The following ZBTB7C variants were observed in gnomAD, a reference collection of about 807,000 sequenced individuals.
The protein encoded by ZBTB7C is zinc finger and BTB domain-containing protein 7C.
In ZBTB7C, 8 loss-of-function variants were observed where a neutral mutation model predicts 25.7. The ratio of observed to expected loss-of-function variants is 0.31; its 90% CI spans 0.18 to 0.56. The LOEUF (loss-of-function observed/expected upper bound fraction) is 0.56, where lower values mean the gene tolerates loss of function less well. ZBTB7C is among the 20% of genes least tolerant of loss of function. The pLI, the probability that ZBTB7C is intolerant of heterozygous loss-of-function variation, is 0.91. For synonymous variants in ZBTB7C, 394 were observed against 369.0 expected (o/e 1.07, Z -0.78); for missense variants, 824 against 855.2 (o/e 0.96, Z 0.46).
At chr18:48,372,098 C>T (rs2047402578) in intron 1 of ZBTB7C, among the ~76,000 whole-genome samples, 2 of 152,204 alleles carry the variant, frequency 1.3e-5, no homozygotes, top group South Asian at 4.1e-4. Flanking sequence ...TGCTCTCCTC[C>T]CTCACTGCCA....
chr18:48,150,862 A>G (rs1198618059), intron 3 of ZBTB7C: 1 of 152,158 alleles, frequency 6.6e-6, no homozygotes, highest in Non-Finnish European at 1.5e-5. Flanking sequence ...TGTGCCATCT[A>G]AGGACATGCT....
intron 3 of ZBTB7C, among the ~76,000 whole-genome samples, chr18:48,108,163 G>A (rs1470533318): frequency 6.6e-6 from 1 of 152,156 alleles, no homozygotes; most frequent in African/African-American, 2.4e-5. Context: ...CTATTTTACA[G>A]GGAGGAAACT....
chr18:48,200,864 C>A (rs1229755174), intron 2 of ZBTB7C, among the ~76,000 whole-genome samples: 1 of 152,238 alleles, frequency 6.6e-6, no homozygotes. Context: ...AGGTCCCCAC[C>A]TGCCTCTTGA....
chr18:48,389,232 C>CG (rs2047831207), intron 1 of ZBTB7C, among the ~76,000 whole-genome samples: 886 of 61,682 alleles, frequency 0.014, no homozygotes, highest in Non-Finnish European at 0.02. Flanking sequence ...CTCTCTCTCT[C>CG]TCTCGTGTGT....
rs66745544 is a variant in ZBTB7C at position 48,095,747 on chromosome 18, A to G, written c.-16-54624T>C. On this transcript the variant is annotated intron_variant, in intron 3 of 4. Transcript: ENST00000590800. The stretch of plus-strand genomic sequence containing the variant: ...TAAAATAAAATAAAATAAAATAAAA[A>G]TGGTTATTGGGTGAGAGAATGGATG... 2.7e-4 allele frequency among the ~76,000 whole-genome samples: 24 copies of G among 89,912 alleles called. 1 individual carries two copies. The highest frequency in any genetic ancestry group is 1.1e-3 in the South Asian group (4 of 3,628). The allele number at this position is 89,912 out of a possible 152,430, so 59.0% of individuals were successfully genotyped here. A position where few individuals can be genotyped will look rare whatever the true frequency, so the allele number is the denominator to read the frequency against.
chr18:48,158,438 T>C (rs1345783095), intron 3 of ZBTB7C, among the ~76,000 whole-genome samples: 4 of 151,890 alleles, frequency 2.6e-5, no homozygotes, highest in Non-Finnish European at 2.9e-5. Context: ...CCTGCCTCTA[T>C]GGGGCTGTGT....
chr18:48,406,636 G>T (rs117209645), intron 1 of ZBTB7C, among the ~76,000 whole-genome samples: 3 of 152,306 alleles, frequency 2.0e-5, no homozygotes, highest in African/African-American at 4.8e-5. Context: ...GAGTAAGGGG[G>T]CACTGATTTC....
intron 3 of ZBTB7C, among the ~76,000 whole-genome samples, chr18:48,169,302 T>C (rs1009787613): frequency 1.3e-5 from 2 of 152,126 alleles, no homozygotes; most frequent in African/African-American, 4.8e-5. Flanking sequence ...TACCACTCGA[T>C]TGGACATATT....
chr18:48,055,080 A>G (rs750651352), intron 3 of ZBTB7C, among the ~76,000 whole-genome samples: 20 of 152,238 alleles, frequency 1.3e-4, no homozygotes, highest in South Asian at 4.2e-4. Context: ...AACCCACAGC[A>G]AAATATCTCA....
chr18:48,387,706 G>A (rs1018729385), intron 1 of ZBTB7C, among the ~76,000 whole-genome samples: 3 of 152,246 alleles, frequency 2.0e-5, no homozygotes, highest in Admixed American at 6.5e-5. Flanking sequence ...GCAAGGGCTA[G>A]CTTTATCAGA....
chr18:48,042,262 C>T (rs2036280888), intron 3 of ZBTB7C, among the ~76,000 whole-genome samples: 1 of 151,728 alleles, frequency 6.6e-6, no homozygotes, highest in Non-Finnish European at 1.5e-5. Flanking sequence ...CTTCAGGCTG[C>T]TAAAAGCCTA....
chr18:48,043,172 G>C (rs1423981596), intron 3 of ZBTB7C, among the ~76,000 whole-genome samples: 1 of 152,176 alleles, frequency 6.6e-6, no homozygotes, highest in South Asian at 2.1e-4. Context: ...TCTAGAAAAT[G>C]ATTTGGCAGA....
intron 2 of ZBTB7C, among the ~76,000 whole-genome samples, chr18:48,217,468 G>T (rs1336567940): frequency 6.6e-6 from 1 of 152,122 alleles, no homozygotes; most frequent in African/African-American, 2.4e-5. Flanking sequence ...GCCACCACCT[G>T]ACCACTGAGG....
chr18:48,256,455 CTT>C (rs2044023259), intron 2 of ZBTB7C, among the ~76,000 whole-genome samples: 1 of 131,736 alleles, frequency 7.6e-6, no homozygotes, highest in Admixed American at 8.2e-5. Context: ...AAAATAAAGA[CTT>C]TTTCATACAT....
At chr18:48,079,978 CAT>C (rs2037919716) in intron 3 of ZBTB7C, among the ~76,000 whole-genome samples, 1 of 152,378 alleles carries the variant, frequency 6.6e-6, no homozygotes, top group Admixed American at 6.5e-5. Context: ...GACAGCAGCA[CAT>C]GAGTCTGTGC....
intron 2 of ZBTB7C, among the ~76,000 whole-genome samples, chr18:48,219,934 A>G (rs571037847): frequency 6.6e-6 from 1 of 152,232 alleles, no homozygotes; most frequent in East Asian, 1.9e-4. Flanking sequence ...GATAAAGAGG[A>G]GGCCCCCATG....
rs1046274592 is a variant in ZBTB7C at position 48,027,453 on chromosome 18, C to T, written c.*1807G>A. 6.6e-6 allele frequency: 1 copy of T among 151,394 alleles called. No homozygotes were observed. The highest frequency in any genetic ancestry group is 2.4e-5 in the African/African-American group (1 of 41,112). 9.4% of individuals were successfully genotyped at this position (151,394 alleles called of 1,614,324 possible). On this transcript the variant is annotated 3_prime_UTR_variant, in exon 5 of 5. Transcript: ENST00000590800. Reference sequence around the variant, plus strand: ...ACACGGGGGCACGTTGGCTGGTGGACATGGGCATGCTTCAGAGAAAAGTGT... The same window carrying T: ...ACACGGGGGCACGTTGGCTGGTGGATATGGGCATGCTTCAGAGAAAAGTGT...
chr18:48,333,664 T>G (rs894922595), intron 2 of ZBTB7C, among the ~76,000 whole-genome samples: 1 of 152,226 alleles, frequency 6.6e-6, no homozygotes, highest in African/African-American at 2.4e-5. Flanking sequence ...TGACACTGGT[T>G]TGAAGGACTC....
chr18:48,280,885 G>C (rs1186846827), intron 2 of ZBTB7C, among the ~76,000 whole-genome samples: 1 of 80,170 alleles, frequency 1.2e-5, no homozygotes, highest in African/African-American at 5.0e-5. Context: ...ACAGAGTCTT[G>C]TTCTGTCATC....
Sources: gnomAD v4.1 joint callset for allele counts (sites outside exome capture counted in the v4.1 genomes callset) on GRCh38, gnomAD v4.1.1 for gene constraint, MANE v1.5 for transcripts, NCBI Gene and HGNC (gene_info 2026-07-23, HGNC 2026-07-21) for gene names.